SOX5: variants seen among roughly 807,000 people sequenced by gnomAD.
SOX5 encodes SRY-box transcription factor 5, also known as transcription factor SOX-5.
Under a neutral mutation model 92.0 loss-of-function variants are expected in SOX5, and 9 were observed. That is an observed-to-expected ratio of 0.10 (90% CI 0.06 to 0.17). The LOEUF (loss-of-function observed/expected upper bound fraction) is 0.17, where lower values mean the gene tolerates loss of function less well. Ranked by LOEUF, SOX5 falls within the 10% of genes least tolerant of loss-of-function variation. SOX5 has a pLI of 1.00. For missense variants in SOX5, 642 were observed against 944.5 expected, an observed-to-expected ratio of 0.68 and a Z score of 4.20; for synonymous variants, 344 against 336.3, an observed-to-expected ratio of 1.02 and a Z score of -0.25.
At chr12:23,540,390 TAATAATAATAATAAA>T (rs1201860227) in intron 13 of SOX5, among the ~76,000 whole-genome samples, 11 of 110,394 alleles carry the variant, frequency 1.0e-4, no homozygotes, top group Admixed American at 2.8e-4. Flanking sequence ...ATAATAATAA[TAATAATAATAATAAA>T]AAGCAGAGAA....
intron 4 of SOX5, among the ~76,000 whole-genome samples, chr12:24,073,649 C>T (rs1320466718): frequency 6.6e-6 from 1 of 152,190 alleles, no homozygotes; most frequent in African/African-American, 2.4e-5. Context: ...TGTGAAAACA[C>T]TTCAGGGACC....
chr12:24,322,129 T>G (rs1397369833), intron 2 of SOX5, among the ~76,000 whole-genome samples: 2 of 152,154 alleles, frequency 1.3e-5, no homozygotes, highest in African/African-American at 4.8e-5. Flanking sequence ...AAATTCATCG[T>G]TCAATTTCTA....
intron 1 of SOX5, among the ~76,000 whole-genome samples, chr12:23,917,366 C>A (rs1412904286): frequency 4.6e-5 from 7 of 151,828 alleles, no homozygotes; most frequent in Non-Finnish European, 1.0e-4. Flanking sequence ...TATGGTGAAA[C>A]CCTGTCTCTA....
At chr12:24,431,586 C>G (rs1024882755) in intron 1 of SOX5, among the ~76,000 whole-genome samples, 4 of 152,206 alleles carry the variant, frequency 2.6e-5, no homozygotes, top group Non-Finnish European at 5.9e-5. Context: ...GATCTACCCT[C>G]TTAACACAGT....
At chr12:23,689,860 G>C (rs549499824) in intron 6 of SOX5, among the ~76,000 whole-genome samples, 2 of 152,264 alleles carry the variant, frequency 1.3e-5, no homozygotes, top group South Asian at 4.1e-4. Context: ...GTTTAATTCA[G>C]AAAAAATACA....
chr12:24,238,536 T>C (rs1027599144), intron 3 of SOX5, among the ~76,000 whole-genome samples: 2 of 152,122 alleles, frequency 1.3e-5, no homozygotes, highest in African/African-American at 4.8e-5. Flanking sequence ...GTTGTATTCT[T>C]TTTAGAGATG....
At chr12:24,494,397 C>T (rs1378394992) in intron 1 of SOX5, among the ~76,000 whole-genome samples, 2 of 152,170 alleles carry the variant, frequency 1.3e-5, no homozygotes, top group East Asian at 3.8e-4. Flanking sequence ...ATAATAATAC[C>T]TTTGAAAATT....
intron 3 of SOX5, among the ~76,000 whole-genome samples, chr12:24,266,034 ATGTG>A (rs59696898): frequency 0.21 from 27,175 of 127,218 alleles, 3,166 homozygotes; most frequent in East Asian, 0.53. Flanking sequence ...ATGCCAGCTA[ATGTG>A]TGTGTGTGTG....
intron 2 of SOX5, among the ~76,000 whole-genome samples, chr12:24,289,304 G>C (rs1306125738): frequency 6.6e-6 from 1 of 151,516 alleles, no homozygotes; most frequent in Non-Finnish European, 1.5e-5. Context: ...AAACAAAAAA[G>C]AATCTGATGA....
intron 2 of SOX5, among the ~76,000 whole-genome samples, chr12:24,287,489 G>A (rs1390204575): frequency 6.6e-6 from 1 of 151,338 alleles, no homozygotes; most frequent in Non-Finnish European, 1.5e-5. Context: ...TCCTTCAACC[G>A]TGCCTTCTGT....
In SOX5 at chr12:24,428,726, C is replaced by CAAAAAAAAAAAAAAAAAAAAAAAA. The variant is rs57964050; in HGVS notation, c.-250-60111_-250-60088dup. On this transcript the variant is annotated intron_variant, in intron 1 of 4. Transcript: ENST00000446891. ...GGCAACAGAGTGAGACTCTGTTTCT[C>CAAAAAAAAAAAAAAAAAAAAAAAA]AAAAAAAAAAAAAAAAAAAAAAAAA... 5.2e-4 allele frequency among the ~76,000 whole-genome samples: 17 copies of CAAAAAAAAAAAAAAAAAAAAAAAA among 32,596 alleles called. 3 individuals are homozygous for CAAAAAAAAAAAAAAAAAAAAAAAA. The highest frequency in any genetic ancestry group is 5.8e-4 in the Admixed American group (1 of 1,716). The allele number at this position is 32,596 out of a possible 152,430, so 21.4% of individuals were successfully genotyped here.
chr12:23,739,717 A>G (rs537472984), intron 5 of SOX5, among the ~76,000 whole-genome samples: 3 of 152,306 alleles, frequency 2.0e-5, no homozygotes, highest in East Asian at 1.9e-4. Flanking sequence ...ACATCTCTGC[A>G]TAAAACACTC....
chr12:24,328,816 CTGCT>C (rs1330263234), intron 2 of SOX5, among the ~76,000 whole-genome samples: 6 of 152,274 alleles, frequency 3.9e-5, no homozygotes, highest in African/African-American at 1.4e-4. Context: ...TTTAATACAA[CTGCT>C]TGTCTTTAAA....
rs911530125 is a variant in SOX5, at chr12:23,755,456, A to T, written c.568+182T>A. ...ACATATCATTTATTCCATAAGGCAC[A>T]AACAAAGAAAGAATATAAGAACCCT... On this transcript the variant is annotated intron_variant, in intron 4 of 14. Transcript: ENST00000451604. Among the ~76,000 whole-genome samples, 7 of 151,902 alleles carry T rather than the reference A, an allele frequency of 4.6e-5. No individual in the cohort carries two copies. In the East Asian group the frequency reaches 7.8e-4, roughly 17 times the overall value.
At chr12:23,938,773 T>C (rs1218290691) in intron 1 of SOX5, among the ~76,000 whole-genome samples, 2 of 151,002 alleles carry the variant, frequency 1.3e-5, no homozygotes, top group African/African-American at 2.4e-5. Context: ...ACAGTTGCAT[T>C]GCTGCTATTT....
upstream of SOX5, chr12:23,950,849 A>G: frequency 6.5e-7 from 1 of 1,534,722 alleles, no homozygotes; most frequent in Non-Finnish European, 8.7e-7. Context: ...GCACATACAC[A>G]CAGAGAGAGA....
chr12:24,083,150 T>A (rs888177715), intron 4 of SOX5, among the ~76,000 whole-genome samples: 4 of 152,032 alleles, frequency 2.6e-5, no homozygotes, highest in African/African-American at 9.7e-5. Context: ...CGGCTGATAA[T>A]TTTTCAAGTG....
At chr12:24,052,818 G>A (rs754742253) in intron 4 of SOX5, among the ~76,000 whole-genome samples, 23 of 152,160 alleles carry the variant, frequency 1.5e-4, no homozygotes, top group Non-Finnish European at 2.8e-4. Flanking sequence ...TTTTAACCCT[G>A]AAATCCCATT....
intron 4 of SOX5, among the ~76,000 whole-genome samples, chr12:24,172,998 G>A (rs539657587): frequency 6.6e-6 from 1 of 152,216 alleles, no homozygotes; most frequent in South Asian, 2.1e-4. Flanking sequence ...ATTTCCTACA[G>A]CAGGAATTCC....
Sources: allele counts gnomAD v4.1 joint callset (sites outside exome capture counted in the v4.1 genomes callset), GRCh38; gene constraint gnomAD v4.1.1; transcripts MANE v1.5; gene names NCBI Gene and HGNC (gene_info 2026-07-23, HGNC 2026-07-21).